SCN8A: variants seen among roughly 807,000 people sequenced by gnomAD.
The protein encoded by SCN8A is sodium channel protein type 8 subunit alpha.
In SCN8A, 30 loss-of-function variants were observed where a neutral mutation model predicts 184.1. That is an observed-to-expected ratio of 0.16 (90% CI 0.12 to 0.22). The LOEUF (loss-of-function observed/expected upper bound fraction) is 0.22. Among genes scored for constraint, SCN8A ranks in the 10% least tolerant of loss-of-function variants. The probability of loss-of-function intolerance (pLI) is 1.00; values close to 1 mark genes in which losing one functional copy is unlikely to be tolerated. For synonymous variants in SCN8A, 852 were observed against 907.0 expected (o/e 0.94, Z 1.09); for missense variants, 1,057 against 2,498.9 (o/e 0.42, Z 12.30).
At chr12:51,718,876 G>T (rs1942006818) in intron 11 of SCN8A, among the ~76,000 whole-genome samples, 1 of 152,162 alleles carries the variant, frequency 6.6e-6, no homozygotes, top group South Asian at 2.1e-4. Context: ...ACAGCTTTTT[G>T]ATGTCCTCAG....
chr12:51,642,794 C>G (rs1940484597), intron 1 of SCN8A, among the ~76,000 whole-genome samples: 1 of 151,366 alleles, frequency 6.6e-6, no homozygotes, highest in African/African-American at 2.4e-5. Context: ...CTTGGGTAAC[C>G]CATCTTCTCT....
At chr12:51,632,697 AATAAT>A (rs983732530) in intron 1 of SCN8A, among the ~76,000 whole-genome samples, 1 of 152,228 alleles carries the variant, frequency 6.6e-6, no homozygotes, top group African/African-American at 2.4e-5. Context: ...AACTACAGAG[AATAAT>A]ATAATATTTA....
intron 11 of SCN8A, among the ~76,000 whole-genome samples, chr12:51,711,174 A>G (rs554590186): frequency 1.3e-5 from 2 of 152,332 alleles, no homozygotes; most frequent in African/African-American, 4.8e-5. Context: ...AGCTATGAAT[A>G]CCTTAGCGCT....
intron 12 of SCN8A, among the ~76,000 whole-genome samples, chr12:51,727,038 G>A (rs1942166423): frequency 6.6e-6 from 1 of 152,174 alleles, no homozygotes; most frequent in South Asian, 2.1e-4. Context: ...ACAATTTAGA[G>A]TCAATAAGAA....
chr12:51,634,793 T>G (rs1002344521), intron 1 of SCN8A, among the ~76,000 whole-genome samples: 1 of 151,588 alleles, frequency 6.6e-6, no homozygotes, highest in African/African-American at 2.4e-5. Flanking sequence ...GGATTACAGG[T>G]GCCTGCCACC....
rs555356703 is a variant in SCN8A, at chr12:51,800,057, C to T, written c.4795+5416C>T. On this transcript the variant is annotated intron_variant, in intron 26 of 26. Coordinates refer to ENST00000627620, the MANE Select transcript of SCN8A (RefSeq NM_001330260.2). ...CATGATATCTTGTGGAAGGGAAAAG[C>T]GATCAAGATCTCTGCGAGCAAGATT... Among the ~76,000 whole-genome samples, 13 of 152,292 alleles carry T rather than the reference C, an allele frequency of 8.5e-5. No individual in the cohort carries two copies. The East Asian group carries it at 2.1e-3, about 25-fold the overall frequency.
intron 12 of SCN8A, among the ~76,000 whole-genome samples, chr12:51,738,851 G>A (rs1332709714): frequency 6.6e-6 from 1 of 152,218 alleles, no homozygotes; most frequent in African/African-American, 2.4e-5. Context: ...GGTTCCCCAG[G>A]CAGAAGGCTC....
chr12:51,794,233 C>G (rs957163198), intron 25 of SCN8A, 138 bp from the exon 26 acceptor site: 8 of 751,628 alleles, frequency 1.1e-5, no homozygotes, highest in Admixed American at 5.2e-5. Flanking sequence ...CATCCATGCT[C>G]CTGATAGAGC....
chr12:51,752,903 G>A (rs1356361582), intron 14 of SCN8A, among the ~76,000 whole-genome samples: 1 of 152,174 alleles, frequency 6.6e-6, no homozygotes, highest in Non-Finnish European at 1.5e-5. Context: ...GATGTTGGTG[G>A]TTCTGTTTTC....
At chr12:51,683,893 T>C (rs1407378261) in intron 2 of SCN8A, among the ~76,000 whole-genome samples, 1 of 152,178 alleles carries the variant, frequency 6.6e-6, no homozygotes. Context: ...AGAGCTGGCA[T>C]AGAAGCTTAG....
rs968029056 is a variant in SCN8A at position 51,806,026 on chromosome 12, C to G, written c.4796-256C>G. ...TATTTTCAGTAGAGACAGGGTTTCA[C>G]CATGTTGGCCAGGCTGGTCTCCAAC... On this transcript the variant is annotated intron_variant, in intron 26 of 26. Coordinates refer to ENST00000627620, the MANE Select transcript of SCN8A (RefSeq NM_001330260.2). The surrounding 1 kb of genome is among the most constrained non-coding windows in gnomAD (Gnocchi z 8.7). Among the ~76,000 whole-genome samples the G allele has an allele frequency of 6.6e-6, 1 of 152,118 alleles. No homozygotes were observed. Among genetic ancestry groups the G allele is most frequent in the African/African-American group, 2.4e-5 (1 of 41,410 alleles).
intron 1 of SCN8A, among the ~76,000 whole-genome samples, chr12:51,627,002 G>T (rs970451039): frequency 1.3e-5 from 2 of 152,100 alleles, no homozygotes; most frequent in African/African-American, 4.8e-5. Context: ...TCATTTAGTT[G>T]TCTTTTTACT....
intron 12 of SCN8A, chr12:51,722,143 T>G (rs912549817): frequency 1.6e-6 from 1 of 619,422 alleles, no homozygotes; most frequent in African/African-American, 1.9e-5. Flanking sequence ...TCTTCTCCTT[T>G]CCTTTATTCT....
intron 2 of SCN8A, among the ~76,000 whole-genome samples, chr12:51,670,042 C>T (rs1026116453): frequency 6.6e-6 from 1 of 152,166 alleles, no homozygotes; most frequent in African/African-American, 2.4e-5. Flanking sequence ...AAAATTTTTT[C>T]CCAACAATAT....
chr12:51,591,343 T>TCGC lies in SCN8A; in HGVS notation c.-61_-59dup, dbSNP rs1939211278. 6.4e-6 allele frequency: 1 copy of TCGC among 155,420 alleles called. No individual in the cohort carries two copies. The highest frequency in any genetic ancestry group is 1.4e-5 in the Non-Finnish European group (1 of 70,194). 9.6% of individuals were successfully genotyped at this position (155,420 alleles called of 1,614,324 possible). ...CGCGTTAGGGCCGCCGCTGCCTCCC[T>TCGC]CGCCGCCGCCGCTGCCGTAAGTCGC... On this transcript the variant is annotated 5_prime_UTR_variant, in exon 1 of 27. Transcript: ENST00000627620.
At chr12:51,645,589 CTT>C (rs1326257315) in intron 1 of SCN8A, among the ~76,000 whole-genome samples, 2 of 152,020 alleles carry the variant, frequency 1.3e-5, no homozygotes, top group East Asian at 1.9e-4. Flanking sequence ...ACATGGGAGA[CTT>C]TTCATTTTGT....
At chr12:51,773,102 G>A (rs186529780) in intron 19 of SCN8A, among the ~76,000 whole-genome samples, 1 of 151,606 alleles carries the variant, frequency 6.6e-6, no homozygotes, top group East Asian at 1.9e-4. Context: ...GGGCAACTGA[G>A]CGAGACTCCG....
At chr12:51,738,218 A>G (rs949849573) in intron 12 of SCN8A, among the ~76,000 whole-genome samples, 3 of 152,230 alleles carry the variant, frequency 2.0e-5, no homozygotes, top group East Asian at 1.9e-4. Flanking sequence ...TGAGGGCTAT[A>G]TAATTGTTCT....
chr12:51,780,854 A>G (rs963678078), intron 21 of SCN8A, 83 bp downstream of exon 21: 1 of 1,362,434 alleles, frequency 7.3e-7, no homozygotes. Flanking sequence ...TGGTGGAAAG[A>G]TCATTCAAAC....
Sources: allele counts gnomAD v4.1 joint callset (sites outside exome capture counted in the v4.1 genomes callset), GRCh38; gene constraint gnomAD v4.1.1; non-coding constraint Gnocchi (gnomAD v3.1); transcripts MANE v1.5; gene names NCBI Gene and HGNC (gene_info 2026-07-23, HGNC 2026-07-21).